The following SLC24A4 variants were observed in gnomAD, a reference collection of about 807,000 sequenced individuals.
The protein encoded by SLC24A4 is sodium/potassium/calcium exchanger 4.
SLC24A4 carries 53 observed loss-of-function variants against 79.0 expected under a neutral mutation model. The ratio of observed to expected loss-of-function variants is 0.67; its 90% CI spans 0.54 to 0.84. The LOEUF (loss-of-function observed/expected upper bound fraction) is 0.84, where lower values mean the gene tolerates loss of function less well. Ranked by LOEUF, SLC24A4 falls within the 40% of genes least tolerant of loss-of-function variation. SLC24A4 has a pLI of 0.00. For missense variants in SLC24A4, 731 were observed against 822.0 expected, an observed-to-expected ratio of 0.89 and a Z score of 1.35; for synonymous variants, 323 against 323.8, an observed-to-expected ratio of 1.00 and a Z score of 0.03.
intron 2 of SLC24A4, among the ~76,000 whole-genome samples, chr14:92,390,518 T>A (rs1271455393): frequency 1.3e-5 from 2 of 152,248 alleles, no homozygotes; most frequent in African/African-American, 4.8e-5. Flanking sequence ...TATATTTTAT[T>A]AAAATGCTTT....
intron 2 of SLC24A4, among the ~76,000 whole-genome samples, chr14:92,391,504 C>T (rs1014547350): frequency 2.0e-5 from 3 of 152,196 alleles, no homozygotes; most frequent in African/African-American, 7.2e-5. Flanking sequence ...GTCCACACTC[C>T]CTTACCCCAT....
chr14:92,406,248 C>T (rs1444199222), intron 2 of SLC24A4, among the ~76,000 whole-genome samples: 2 of 152,254 alleles, frequency 1.3e-5, no homozygotes, highest in East Asian at 3.8e-4. Context: ...GCAGCTCTGT[C>T]CCTCTGGCTT....
rs372432200 is a variant in SLC24A4, at chr14:92,492,194, G to A, written c.1670G>A (p.Gly557Glu). 1.2e-6 allele frequency: 2 copies of A among 1,613,988 alleles called. No homozygotes were observed. Among genetic ancestry groups the A allele is most frequent in the African/African-American group, 1.3e-5 (1 of 74,902 alleles). ...YGSTVKINSR[G>E]LVYSVVLLLG... is the part of the protein sequence containing the mutation. ...TTCCAGGTGAAGATCAACAGCCGGGGGCTGGTCTATTCCGTGGTCCTGTTG... is the reference window on the plus strand; with the variant it reads ...TTCCAGGTGAAGATCAACAGCCGGGAGCTGGTCTATTCCGTGGTCCTGTTG... Residue 557 changes from glycine (G) to glutamate (E), a missense_variant, in exon 16 of 17, where the codon GGG (glycine) becomes GAG (glutamate). Coordinates refer to ENST00000532405, the MANE Select transcript of SLC24A4 (RefSeq NM_153646.4).
chr14:92,357,706 C>T (rs996077689), intron 2 of SLC24A4, among the ~76,000 whole-genome samples: 3 of 152,120 alleles, frequency 2.0e-5, no homozygotes, highest in Admixed American at 6.6e-5. Context: ...GGGGAGTTAT[C>T]GTTTAATGGG....
At chr14:92,428,073 T>A (rs1017292620) in intron 2 of SLC24A4, among the ~76,000 whole-genome samples, 1 of 152,230 alleles carries the variant, frequency 6.6e-6, no homozygotes, top group Non-Finnish European at 1.5e-5. Context: ...TCTGTTGTTT[T>A]TAAGCTACCC....
intron 7 of SLC24A4, among the ~76,000 whole-genome samples, chr14:92,444,932 TACACACACACACACAC>T (rs10548937): frequency 0.012 from 1,700 of 142,940 alleles, 32 homozygotes; most frequent in African/African-American, 0.04. Flanking sequence ...TACACACACA[TACACACACACACACAC>T]ACACACACAC....
chr14:92,484,753 C>A (rs921732653), intron 13 of SLC24A4: 1 of 985,246 alleles, frequency 1.0e-6, no homozygotes, highest in African/African-American at 1.7e-5. Context: ...CCTTTCACAC[C>A]CTACTCCCAG....
intron 2 of SLC24A4, among the ~76,000 whole-genome samples, chr14:92,401,355 A>G (rs903669573): frequency 3.3e-5 from 5 of 152,182 alleles, no homozygotes; most frequent in African/African-American, 9.6e-5. Context: ...TCTCTTTAGT[A>G]TGATAATATT....
At position 92,398,421 on chromosome 14, in the gene SLC24A4, C is replaced by T. The variant is rs1168405512; in HGVS notation, c.242-35491C>T. Among the ~76,000 whole-genome samples the T allele has an allele frequency of 3.3e-5, 5 of 152,058 alleles. No individual in the cohort carries two copies. Among genetic ancestry groups the T allele is most frequent in the Admixed American group, 6.6e-5 (1 of 15,260 alleles). ...GTTGGAGAAGTGGGCATGGGAGAAC[C>T]GTTTGAGAGGAAGAATGGGTAAGAC... On this transcript the variant is annotated intron_variant, in intron 2 of 16. Transcript: ENST00000532405. This position sits in a 1 kb window ranked among gnomAD's most constrained non-coding sequence, Gnocchi z 4.1.
intron 2 of SLC24A4, among the ~76,000 whole-genome samples, chr14:92,355,699 C>T (rs1421621423): frequency 6.6e-6 from 1 of 152,214 alleles, no homozygotes; most frequent in Non-Finnish European, 1.5e-5. Flanking sequence ...GAGAATCTGG[C>T]TGAGACCCTG....
chr14:92,416,917 T>G (rs185400734), intron 2 of SLC24A4, among the ~76,000 whole-genome samples: 464 of 152,280 alleles, frequency 3.0e-3, no homozygotes, highest in African/African-American at 0.011. Context: ...TGTCAGTCAT[T>G]CTACACATAT....
rs1168436160 is a variant in SLC24A4 at position 92,323,988 on chromosome 14, C to T, written c.130+28C>T. 8.1e-6 allele frequency: 13 copies of T among 1,602,392 alleles called. No individual in the cohort carries two copies. In the East Asian group the frequency reaches 2.7e-4, roughly 33 times the overall value. ...GGGTGCTGGTACGGGTCCCCTCTTC[C>T]TGGGGAGTTGGGGGCTTTGGCTGGG... On this transcript the variant is annotated intron_variant, in intron 1 of 16. Transcript: ENST00000532405. This position sits in a 1 kb window ranked among gnomAD's most constrained non-coding sequence, Gnocchi z 4.9.
intron 12 of SLC24A4, 124 bp from the exon 13 acceptor site, chr14:92,482,556 T>C (rs1895117238): frequency 9.0e-6 from 8 of 887,778 alleles, no homozygotes; most frequent in Non-Finnish European, 1.4e-5. Context: ...GTCAGTTGCC[T>C]AGAGTCACAT....
At chr14:92,389,283 C>T (rs1303789232) in intron 2 of SLC24A4, among the ~76,000 whole-genome samples, 1 of 152,204 alleles carries the variant, frequency 6.6e-6, no homozygotes, top group Non-Finnish European at 1.5e-5. Context: ...TGCCTCCCCT[C>T]TGTTTTCTTA....
chr14:92,372,955 C>G (rs1399645957), intron 2 of SLC24A4, among the ~76,000 whole-genome samples: 1 of 143,498 alleles, frequency 7.0e-6, no homozygotes, highest in Non-Finnish European at 1.5e-5. Context: ...CTCTCTCTCT[C>G]TCCCTCTCTC....
At chr14:92,492,115 T>G (rs1895710223) in intron 15 of SLC24A4, 60 bp from the exon 16 acceptor site, 6 of 1,514,904 alleles carry the variant, frequency 4.0e-6, no homozygotes, top group Non-Finnish European at 5.5e-6. Flanking sequence ...TGCTGGGATT[T>G]CTGGATGGAT....
At chr14:92,474,985 A>G (rs1894688667) in intron 12 of SLC24A4, among the ~76,000 whole-genome samples, 1 of 150,556 alleles carries the variant, frequency 6.6e-6, no homozygotes, top group East Asian at 1.9e-4. Flanking sequence ...GGCGTGAGCC[A>G]CCGTGCCCGG....
At chr14:92,355,862 G>T (rs1887153360) in intron 2 of SLC24A4, among the ~76,000 whole-genome samples, 1 of 152,154 alleles carries the variant, frequency 6.6e-6, no homozygotes, top group African/African-American at 2.4e-5. Flanking sequence ...GCTCTCCCTT[G>T]TTGCTTTCTG....
At position 92,456,572 on chromosome 14, in the gene SLC24A4, G is replaced by A. The variant is rs1242929285; in HGVS notation, c.1219G>A (p.Val407Met). 9 of 1,613,994 alleles carry A rather than the reference G, an allele frequency of 5.6e-6. No homozygotes were observed. The highest frequency in any genetic ancestry group is 7.6e-6 in the Non-Finnish European group (9 of 1,179,970). The change falls in exon 12 of 17, where the codon GTG (valine) becomes ATG (methionine). Residue 407 changes from valine to methionine, a missense_variant. Transcript: ENST00000532405. Reference sequence around the variant, plus strand: ...GCCACCACCGCCAGAGCCAGAGCCGGTGGAGGCTGACTTCCTGTCCCCCTT... The same window carrying A: ...GCCACCACCGCCAGAGCCAGAGCCGATGGAGGCTGACTTCCTGTCCCCCTT... The part of the protein sequence containing the change: ...PQPPPPEPEP[V>M]EADFLSPFSV...
Sources: allele counts gnomAD v4.1 joint callset (sites outside exome capture counted in the v4.1 genomes callset), GRCh38; gene constraint gnomAD v4.1.1; non-coding constraint Gnocchi (gnomAD v3.1); transcripts MANE v1.5; gene names NCBI Gene and HGNC (gene_info 2026-07-23, HGNC 2026-07-21).